The following CDK12 variants were observed in gnomAD, a reference collection of about 807,000 sequenced individuals.
CDK12 encodes the protein cyclin dependent kinase 12, also known as cyclin-dependent kinase 12.
Under a neutral mutation model 133.8 loss-of-function variants are expected in CDK12, and 17 were observed. The ratio of observed to expected loss-of-function variants is 0.13; its 90% CI spans 0.09 to 0.19. The LOEUF (loss-of-function observed/expected upper bound fraction) is 0.19, where lower values mean the gene tolerates loss of function less well. Among genes scored for constraint, CDK12 ranks in the 10% least tolerant of loss-of-function variants. The pLI, the probability that CDK12 is intolerant of heterozygous loss-of-function variation, is 1.00. For missense variants in CDK12, 1,508 were observed against 1,818.7 expected (o/e 0.83, Z 3.11); for synonymous variants, 694 against 683.6 (o/e 1.02, Z -0.24).
chr17:39,494,454 A>G, intron 4 of CDK12, 70 bp from the exon 5 acceptor site: 4 of 1,280,574 alleles, frequency 3.1e-6, no homozygotes, highest in Non-Finnish European at 4.5e-6. Context: ...GAGCAAGGGC[A>G]TATATTGCTG....
At chr17:39,487,969 G>A (rs2051275274) in intron 2 of CDK12, among the ~76,000 whole-genome samples, 1 of 152,024 alleles carries the variant, frequency 6.6e-6, no homozygotes, top group South Asian at 2.1e-4. Flanking sequence ...GCAAAAAATT[G>A]TATCTGGGCC....
intron 2 of CDK12, among the ~76,000 whole-genome samples, chr17:39,482,809 C>G (rs1473020229): frequency 6.6e-6 from 1 of 151,562 alleles, no homozygotes; most frequent in Non-Finnish European, 1.5e-5. Flanking sequence ...GCCATATTGG[C>G]TAGGCTGTTA....
At position 39,531,569 on chromosome 17, in the gene CDK12, A is replaced by T. The variant is rs777097260; in HGVS notation, c.*253A>T. ...ACTCTACCTTAGTAGATACAAGTAG[A>T]GAATATGGAGAGGATCATTACATTG... On this transcript the variant is annotated 3_prime_UTR_variant, in exon 14 of 14. Transcript: ENST00000447079. 1.3e-5 allele frequency: 5 copies of T among 381,904 alleles called. No homozygotes were observed. The highest frequency in any genetic ancestry group is 2.3e-5 in the Non-Finnish European group (5 of 215,584). The allele number at this position is 381,904 out of a possible 1,614,324, so 23.7% of individuals were successfully genotyped here.
At chr17:39,497,860 C>T (rs766197125) in intron 5 of CDK12, among the ~76,000 whole-genome samples, 1 of 152,084 alleles carries the variant, frequency 6.6e-6, no homozygotes, top group Non-Finnish European at 1.5e-5. Flanking sequence ...TTGCCTTGGC[C>T]TCCTAAAGTG....
At chr17:39,485,169 CAAA>C (rs564188686) in intron 2 of CDK12, among the ~76,000 whole-genome samples, 8 of 75,046 alleles carry the variant, frequency 1.1e-4, no homozygotes, top group African/African-American at 2.3e-4. Flanking sequence ...GACTCTGTCT[CAAA>C]AAAAAAAAAA....
chr17:39,556,946 A>T (rs2056185883), intron 3 of CDK12: 1 of 152,200 alleles, frequency 6.6e-6, no homozygotes, highest in Non-Finnish European at 1.5e-5. Flanking sequence ...ATCCTGGAAG[A>T]GCTCCTTTGG....
intron 2 of CDK12, among the ~76,000 whole-genome samples, chr17:39,474,030 C>G (rs1051697448): frequency 1.3e-5 from 2 of 152,200 alleles, no homozygotes; most frequent in Non-Finnish European, 2.9e-5. Flanking sequence ...GCACTCCAGC[C>G]TGGGTGACAG....
At chr17:39,505,803 T>G (rs939780592) in intron 6 of CDK12, among the ~76,000 whole-genome samples, 2 of 152,226 alleles carry the variant, frequency 1.3e-5, no homozygotes, top group East Asian at 3.8e-4. Context: ...GTTTCATATA[T>G]GCAGGTTCTA....
chr17:39,468,745 G>A (rs2049548194), intron 1 of CDK12, among the ~76,000 whole-genome samples: 1 of 152,012 alleles, frequency 6.6e-6, no homozygotes, highest in African/African-American at 2.4e-5. Context: ...AAAGTGTTGG[G>A]ATTACAGGCG....
At chr17:39,516,927 T>G (rs988966922) in intron 9 of CDK12, among the ~76,000 whole-genome samples, 1 of 152,134 alleles carries the variant, frequency 6.6e-6, no homozygotes, top group Admixed American at 6.5e-5. Flanking sequence ...CCTCCCAAAG[T>G]GCTGGGATTA....
intron 1 of CDK12, among the ~76,000 whole-genome samples, chr17:39,463,518 T>G (rs1801102583): frequency 6.6e-6 from 1 of 152,182 alleles, no homozygotes; most frequent in South Asian, 2.1e-4. Flanking sequence ...GTTGAAGACT[T>G]AAGAAATTGG....
intron 2 of CDK12, among the ~76,000 whole-genome samples, chr17:39,486,994 G>A (rs2051184514): frequency 6.6e-6 from 1 of 151,926 alleles, no homozygotes; most frequent in Non-Finnish European, 1.5e-5. Flanking sequence ...GGCAATAGAG[G>A]GAGACTCCGT....
At chr17:39,500,666 G>C (rs1419883162) in intron 5 of CDK12, among the ~76,000 whole-genome samples, 1 of 152,080 alleles carries the variant, frequency 6.6e-6, no homozygotes, top group Non-Finnish European at 1.5e-5. Flanking sequence ...CCTGGTCAGG[G>C]CACCTGCCCC....
At position 39,462,977 on chromosome 17, in the gene CDK12, C is replaced by T. The variant is rs1305526709; in HGVS notation, c.906C>T (p.Val302=). The stretch of plus-strand genomic sequence containing the variant: ...CCTACAGTAGGCGACAGAGATCTGT[C>T]AGTCCCTATAGCAGGAGACGGTCGT... ...PSPYSRRQRS[V]SPYSRRRSSS... The change falls in exon 1 of 14, where the codon GTC becomes GTT. Residue 302 remains valine (V), a synonymous_variant. Coordinates refer to ENST00000447079, the MANE Select transcript of CDK12 (RefSeq NM_016507.4). 1.9e-6 allele frequency: 3 copies of T among 1,614,180 alleles called. No homozygotes were observed. Among genetic ancestry groups the T allele is most frequent in the Non-Finnish European group, 2.5e-6 (3 of 1,180,014 alleles).
intron 1 of CDK12, among the ~76,000 whole-genome samples, chr17:39,466,620 A>G (rs2049335342): frequency 1.4e-4 from 4 of 27,982 alleles, no homozygotes; most frequent in Admixed American, 3.2e-4. Context: ...TATCTGAAAA[A>G]AAAAAAAAAA....
At chr17:39,544,321 GC>G (rs1567808337), upstream of CDK12, 1 of 489,972 alleles carries the variant, frequency 2.0e-6, no homozygotes, top group Admixed American at 2.3e-5. Flanking sequence ...CCAGAGCCTG[GC>G]AAATTCAGTC....
intron 6 of CDK12, among the ~76,000 whole-genome samples, chr17:39,509,126 A>G (rs2053322499): frequency 6.6e-6 from 1 of 152,096 alleles, no homozygotes; most frequent in Non-Finnish European, 1.5e-5. Context: ...CAGATTCATG[A>G]GCCATGTTCT....
chr17:39,514,641 T>C (rs1258447751), intron 8 of CDK12, among the ~76,000 whole-genome samples: 1 of 152,194 alleles, frequency 6.6e-6, no homozygotes, highest in East Asian at 1.9e-4. Context: ...ATGCTCAGCC[T>C]TTATTTTATT....
At chr17:39,483,756 A>G (rs1317783602) in intron 2 of CDK12, among the ~76,000 whole-genome samples, 1 of 150,734 alleles carries the variant, frequency 6.6e-6, no homozygotes, top group African/African-American at 2.4e-5. Flanking sequence ...TCTTACTCTC[A>G]TGATCCGCCT....
Sources: allele counts gnomAD v4.1 joint callset (sites outside exome capture counted in the v4.1 genomes callset), GRCh38; gene constraint gnomAD v4.1.1; transcripts MANE v1.5; gene names NCBI Gene and HGNC (gene_info 2026-07-23, HGNC 2026-07-21).